FLNB: variants seen among roughly 807,000 people sequenced by gnomAD.
FLNB encodes filamin-B.
FLNB carries 111 observed loss-of-function variants against 250.6 expected under a neutral mutation model. That is an observed-to-expected ratio of 0.44 (90% confidence interval 0.38 to 0.52). The LOEUF is 0.52. Among genes scored for constraint, FLNB ranks in the 20% least tolerant of loss-of-function variants. The pLI is 0.00. For missense variants in FLNB, 2,869 were observed against 3,447.8 expected (o/e 0.83, Z 4.20); for synonymous variants, 1,302 against 1,372.1 (o/e 0.95, Z 1.13).
At chr3:58,028,423 A>G (rs1465132635) in intron 1 of FLNB, among the ~76,000 whole-genome samples, 2 of 151,792 alleles carry the variant, frequency 1.3e-5, no homozygotes, top group African/African-American at 2.4e-5. Context: ...ATATAAATCT[A>G]TTTCATTCCA....
At chr3:58,155,005 A>G in intron 40 of FLNB, 77 bp downstream of exon 40, 1 of 1,461,942 alleles carries the variant, frequency 6.8e-7, no homozygotes, top group Non-Finnish European at 9.6e-7. Context: ...AAATCCATCA[A>G]GTTTGCTGAA....
chr3:58,060,254 T>C (rs1218544198), intron 1 of FLNB, among the ~76,000 whole-genome samples: 1 of 151,960 alleles, frequency 6.6e-6, no homozygotes, highest in East Asian at 1.9e-4. Context: ...TGGTGGCTCA[T>C]GCCTGTAATT....
At position 58,077,184 on chromosome 3, in the gene FLNB, G is replaced by A. The variant is rs867983619; in HGVS notation, c.431G>A (p.Arg144Lys). The A allele has an allele frequency of 6.2e-7, 1 of 1,614,136 alleles. No homozygotes were observed. Among genetic ancestry groups the A allele is most frequent in the Non-Finnish European group, 8.5e-7 (1 of 1,180,032 alleles). ...DDAKKQTPKQ[R>K]LLGWIQNKIP... ...GCCAAGAAGCAGACGCCAAAGCAGA[G>A]GCTGCTGGGGTGGATTCAGAACAAG... Residue 144 changes from arginine (R) to lysine (K), a missense_variant, in exon 2 of 46, where the codon AGG becomes AAG. Physicochemically the swap from Arg to Lys is conservative, Grantham distance 26 (BLOSUM62 2). Around this residue, in one of 5 missense-constraint regions of FLNB, gnomAD observed 308 missense variants for 466.1 expected, o/e 0.66. Transcript: ENST00000295956.
intron 1 of FLNB, among the ~76,000 whole-genome samples, chr3:58,026,509 T>C (rs549743853): frequency 6.6e-6 from 1 of 152,294 alleles, no homozygotes; most frequent in East Asian, 1.9e-4. Flanking sequence ...ACTTCTGGGT[T>C]ATGCCCTGTA....
intron 27 of FLNB, among the ~76,000 whole-genome samples, chr3:58,135,586 G>A (rs894865065): frequency 6.6e-6 from 1 of 152,228 alleles, no homozygotes; most frequent in Non-Finnish European, 1.5e-5. Flanking sequence ...TGGCAAGGAT[G>A]CTAGGAAGTG....
intron 1 of FLNB, among the ~76,000 whole-genome samples, chr3:58,023,630 AT>A (rs2097117922): frequency 6.6e-6 from 1 of 152,186 alleles, no homozygotes; most frequent in Non-Finnish European, 1.5e-5. Context: ...TTGTGAAATA[AT>A]TTTGGTCATA....
intron 19 of FLNB, 90 bp from the exon 20 acceptor site, chr3:58,121,151 G>C (rs1415278719): frequency 5.8e-6 from 9 of 1,547,108 alleles, no homozygotes; most frequent in Non-Finnish European, 8.0e-6. Context: ...ATAAGTCCCC[G>C]TGTCCAAAGA....
chr3:58,075,862 A>C (rs998723999), intron 1 of FLNB, among the ~76,000 whole-genome samples: 1 of 151,920 alleles, frequency 6.6e-6, no homozygotes, highest in African/African-American at 2.4e-5. Context: ...TCTTTGTTGG[A>C]GAGTGGGTAT....
intron 3 of FLNB, among the ~76,000 whole-genome samples, chr3:58,079,759 G>C (rs1160394375): frequency 1.3e-5 from 2 of 152,160 alleles, no homozygotes; most frequent in African/African-American, 4.8e-5. Flanking sequence ...TTTCTTTCCA[G>C]AAACTCCCTC....
chr3:58,120,596 C>T (rs2097287072), intron 19 of FLNB, among the ~76,000 whole-genome samples: 1 of 152,222 alleles, frequency 6.6e-6, no homozygotes, highest in Non-Finnish European at 1.5e-5. Context: ...AGTCAGTTCT[C>T]AGCACTTGCT....
chr3:58,067,604 GTTT>G, intron 1 of FLNB, among the ~76,000 whole-genome samples: 1 of 137,178 alleles, frequency 7.3e-6, no homozygotes, highest in Non-Finnish European at 1.6e-5. Flanking sequence ...TTTTTTTTTT[GTTT>G]TTTTTTTGGG....
Position 58,142,835 on chromosome 3 carries a change from G to T in FLNB, c.5284+83G>T, listed in dbSNP as rs893157829. On this transcript the variant is annotated intron_variant, in intron 31 of 45. Coordinates refer to ENST00000295956, the MANE Select transcript of FLNB (RefSeq NM_001457.4). This position sits in a 1 kb window ranked among gnomAD's most constrained non-coding sequence, Gnocchi z 4.3. Reference sequence around the variant, plus strand: ...ATGGTGCTGGGGAGGTGTGTCCACTGTCCCCCAGACCCAGGCTCCTTAACC... The same window carrying T: ...ATGGTGCTGGGGAGGTGTGTCCACTTTCCCCCAGACCCAGGCTCCTTAACC... 13 of 1,217,608 alleles carry T rather than the reference G, an allele frequency of 1.1e-5. No individual in the cohort carries two copies. Among genetic ancestry groups the T allele is most frequent in the Non-Finnish European group, 1.6e-5 (13 of 827,812 alleles). The allele number at this position is 1,217,608 out of a possible 1,614,324, so 75.4% of individuals were successfully genotyped here.
chr3:58,075,881 GGAGA>G (rs1023240391), intron 1 of FLNB, among the ~76,000 whole-genome samples: 1 of 151,786 alleles, frequency 6.6e-6, no homozygotes, highest in African/African-American at 2.4e-5. Flanking sequence ...ATAGGGAAAC[GGAGA>G]GAGAGAGAAA....
chr3:58,147,687 T>G (rs757824454), intron 34 of FLNB, among the ~76,000 whole-genome samples: 2 of 152,140 alleles, frequency 1.3e-5, no homozygotes, highest in Non-Finnish European at 2.9e-5. Flanking sequence ...TGAGACAGAG[T>G]CTCACTCTAT....
chr3:58,125,778 C>T (rs1206065036), intron 23 of FLNB, 35 bp downstream of exon 23: 3 of 1,605,672 alleles, frequency 1.9e-6, no homozygotes, highest in East Asian at 4.5e-5. Flanking sequence ...TCTTGAGTCT[C>T]ACTTTTGTGG....
intron 18 of FLNB, among the ~76,000 whole-genome samples, chr3:58,116,529 T>TGGACTGA (rs1468852637): frequency 3.3e-5 from 5 of 152,180 alleles, no homozygotes; most frequent in Non-Finnish European, 7.4e-5. Flanking sequence ...AGTCCCTGAG[T>TGGACTGA]GACAGCTTGC....
chr3:58,136,079 G>A lies in FLNB; in HGVS notation c.4772G>A (p.Gly1591Glu), dbSNP rs1460056215. Residue 1591 changes from glycine to glutamate, a missense_variant, in exon 28 of 46, where the codon GGA (glycine) becomes GAA (glutamate). This residue lies in a region of FLNB where 126 missense variants were observed against 182.0 expected (regional missense o/e 0.69). Transcript: ENST00000295956. ...GACAAGACTGGGCGCTATATGATTGGAGTCACCTACGGGGGTGACGACATC... is the reference window on the plus strand; with the variant it reads ...GACAAGACTGGGCGCTATATGATTGAAGTCACCTACGGGGGTGACGACATC... The part of the protein sequence containing the change: ...IPDKTGRYMI[G>E]VTYGGDDIPL... The A allele has an allele frequency of 6.2e-7, 1 of 1,614,036 alleles. No individual in the cohort carries two copies. Among genetic ancestry groups the A allele is most frequent in the Non-Finnish European group, 8.5e-7 (1 of 1,180,034 alleles).
At chr3:58,026,396 A>G (rs1323063457) in intron 1 of FLNB, among the ~76,000 whole-genome samples, 1 of 151,920 alleles carries the variant, frequency 6.6e-6, no homozygotes, top group African/African-American at 2.4e-5. Flanking sequence ...CATCTGTCAA[A>G]ATTTTTGCTG....
intron 20 of FLNB, 142 bp downstream of exon 20, chr3:58,121,645 TG>T: frequency 9.8e-7 from 1 of 1,019,602 alleles, no homozygotes; most frequent in Non-Finnish European, 1.5e-6. Flanking sequence ...AAAGGTCCCC[TG>T]GGTAGGTGGG....
Sources: gnomAD v4.1 joint callset for allele counts (sites outside exome capture counted in the v4.1 genomes callset) on GRCh38, gnomAD v4.1.1 for gene constraint, gnomAD v4.1.1 regional missense constraint, Gnocchi (gnomAD v3.1) non-coding constraint, MANE v1.5 for transcripts, NCBI Gene and HGNC (gene_info 2026-07-23, HGNC 2026-07-21) for gene names.